PHACTR3: variants seen among roughly 807,000 people sequenced by gnomAD.
PHACTR3 encodes the protein phosphatase and actin regulator 3, also known as protein phosphatase 1, regulatory subunit 123.
A neutral mutation model predicts 66.8 loss-of-function variants in PHACTR3; 16 were observed. That is an observed-to-expected ratio of 0.24 (90% CI 0.16 to 0.36). PHACTR3 has a LOEUF of 0.36. Among genes scored for constraint, PHACTR3 ranks in the 10% least tolerant of loss-of-function variants. The pLI is 1.00. For missense variants in PHACTR3, 647 were observed against 719.9 expected (o/e 0.90, Z 1.16); for synonymous variants, 323 against 292.1 (o/e 1.11, Z -1.08).
intron 1 of PHACTR3, among the ~76,000 whole-genome samples, chr20:59,595,835 A>G (rs984839088): frequency 2.2e-4 from 34 of 152,158 alleles, no homozygotes; most frequent in African/African-American, 4.8e-5. Context: ...TCGTTATGTA[A>G]TGCCCTTTGT....
At chr20:59,817,165 C>A (rs2041909855) in intron 8 of PHACTR3, among the ~76,000 whole-genome samples, 1 of 152,192 alleles carries the variant, frequency 6.6e-6, no homozygotes. Flanking sequence ...AGCAATGATT[C>A]CATTTACTAC....
rs776656654 is a variant in PHACTR3, at chr20:59,586,150, C to T, written c.109+8533C>T. Among the ~76,000 whole-genome samples the T allele has an allele frequency of 2.0e-5, 3 of 152,226 alleles. No individual in the cohort carries two copies. The East Asian group carries it at 5.8e-4, about 29-fold the overall frequency. ...CCTCCAGGTGGCCTGCCCTGGCCTG[C>T]TCTGTGGTCATTCTGCCTCCTGGAG... On this transcript the variant is annotated intron_variant, in intron 1 of 12. Transcript: ENST00000359926.
chr20:59,612,930 G>A (rs575419041), intron 1 of PHACTR3, among the ~76,000 whole-genome samples: 2 of 152,288 alleles, frequency 1.3e-5, no homozygotes, highest in Admixed American at 1.3e-4. Context: ...CACAGTGAGA[G>A]TGGAAGCAAG....
intron 1 of PHACTR3, among the ~76,000 whole-genome samples, chr20:59,644,460 T>C (rs924450974): frequency 1.7e-4 from 26 of 152,064 alleles, no homozygotes; most frequent in African/African-American, 6.0e-4. Flanking sequence ...CTCATTCGCC[T>C]CCCCCACCAC....
intron 1 of PHACTR3, among the ~76,000 whole-genome samples, chr20:59,605,849 G>A (rs1427089434): frequency 1.6e-5 from 2 of 124,224 alleles, no homozygotes; most frequent in African/African-American, 5.7e-5. Context: ...AATAAAGCGG[G>A]GGGGGAGGTG....
chr20:59,723,818 G>A (rs1180646276), intron 1 of PHACTR3, among the ~76,000 whole-genome samples: 2 of 152,020 alleles, frequency 1.3e-5, no homozygotes, highest in African/African-American at 4.8e-5. Context: ...AATGTTCATG[G>A]TGACTCGGTC....
chr20:59,808,618 C>T (rs1009214798), intron 8 of PHACTR3, among the ~76,000 whole-genome samples: 1 of 152,344 alleles, frequency 6.6e-6, no homozygotes. Context: ...GCTCCCGGAG[C>T]GCCAGTGCCT....
At chr20:59,724,685 C>G (rs1396580186) in intron 1 of PHACTR3, among the ~76,000 whole-genome samples, 1 of 152,142 alleles carries the variant, frequency 6.6e-6, no homozygotes, top group Non-Finnish European at 1.5e-5. Flanking sequence ...GTTAGCTGAT[C>G]GTTTTCACCT....
chr20:59,781,491 CT>C (rs1450587242), intron 7 of PHACTR3, among the ~76,000 whole-genome samples: 1 of 152,192 alleles, frequency 6.6e-6, no homozygotes, highest in Non-Finnish European at 1.5e-5. Flanking sequence ...CAGTGACCCC[CT>C]TGTCAGGTTG....
At chr20:59,836,132 T>A in intron 8 of PHACTR3, 2 of 165,570 alleles carry the variant, frequency 1.2e-5, no homozygotes, top group African/African-American at 2.4e-5. Flanking sequence ...TACCCACCCC[T>A]CCCTAAGCCA....
intron 7 of PHACTR3, among the ~76,000 whole-genome samples, chr20:59,799,226 G>C (rs1234085606): frequency 6.6e-6 from 1 of 151,884 alleles, no homozygotes; most frequent in Non-Finnish European, 1.5e-5. Flanking sequence ...TAAATGTTTT[G>C]TGTGTACTTG....
intron 4 of PHACTR3, among the ~76,000 whole-genome samples, chr20:59,765,705 G>C (rs1364783385): frequency 6.6e-6 from 1 of 152,172 alleles, no homozygotes; most frequent in Non-Finnish European, 1.5e-5. Flanking sequence ...GCAGGAATTA[G>C]GCCTGTTGTA....
chr20:59,619,318 A>G (rs1216595854), intron 1 of PHACTR3, among the ~76,000 whole-genome samples: 1 of 152,124 alleles, frequency 6.6e-6, no homozygotes, highest in Non-Finnish European at 1.5e-5. Flanking sequence ...GAAGCACAGG[A>G]TGGAAGCGGG....
At chr20:59,844,336 T>A (rs950457001) in intron 11 of PHACTR3, 1 of 152,076 alleles carries the variant, frequency 6.6e-6, no homozygotes, top group Non-Finnish European at 1.5e-5. Flanking sequence ...ATCAAATCAG[T>A]ACATTGAAGA....
chr20:59,608,345 C>T (rs1290633700), intron 1 of PHACTR3, among the ~76,000 whole-genome samples: 2 of 152,182 alleles, frequency 1.3e-5, no homozygotes, highest in Non-Finnish European at 1.5e-5. Flanking sequence ...TGTATCTACA[C>T]AATGTGCCTC....
rs1047224316 is a variant in PHACTR3 at position 59,605,284 on chromosome 20, C to T, written c.118+152C>T. On this transcript the variant is annotated intron_variant, in intron 1 of 12. Transcript: ENST00000371015. ...GCCCCGCGGTTCCTATCCCCAGTCT[C>T]GCAGGGCTGGGGCGCCTCGGAGCCC... The T allele has an allele frequency of 2.1e-5, 10 of 483,906 alleles. No homozygotes were observed. In the East Asian group the frequency reaches 2.5e-4, roughly 12 times the overall value. 30.0% of individuals were successfully genotyped at this position (483,906 alleles called of 1,614,324 possible).
At chr20:59,585,226 G>A (rs538610152) in intron 1 of PHACTR3, among the ~76,000 whole-genome samples, 7 of 152,126 alleles carry the variant, frequency 4.6e-5, no homozygotes, top group African/African-American at 1.2e-4. Flanking sequence ...TCCCTGACTC[G>A]GGGTCGGCAT....
intron 1 of PHACTR3, among the ~76,000 whole-genome samples, chr20:59,715,976 G>T (rs1568739075): frequency 6.6e-6 from 1 of 152,166 alleles, no homozygotes; most frequent in East Asian, 1.9e-4. Flanking sequence ...TGCCTTCTAG[G>T]AGTTCACATT....
chr20:59,577,763 A>T, intron 1 of PHACTR3: 1 of 446,860 alleles, frequency 2.2e-6, no homozygotes, highest in Non-Finnish European at 3.3e-6. Context: ...CCAGCCACAG[A>T]GGTGGGCGCC....
Sources: allele counts gnomAD v4.1 joint callset (sites outside exome capture counted in the v4.1 genomes callset), GRCh38; gene constraint gnomAD v4.1.1; transcripts MANE v1.5; gene names NCBI Gene and HGNC (gene_info 2026-07-23, HGNC 2026-07-21).